The following NRG1 variants were observed in gnomAD, a reference collection of about 807,000 sequenced individuals.
The protein encoded by NRG1 is neuregulin 1.
In NRG1, 18 loss-of-function variants were observed where a neutral mutation model predicts 63.8. The ratio of observed to expected loss-of-function variants is 0.28; its 90% CI spans 0.19 to 0.42. NRG1 has a LOEUF of 0.42. Among genes scored for constraint, NRG1 ranks in the 10% least tolerant of loss-of-function variants. The pLI is 1.00. For synonymous variants in NRG1, 302 were observed against 301.3 expected, an observed-to-expected ratio of 1.00 and a Z score of -0.02; for missense variants, 762 against 814.7, an observed-to-expected ratio of 0.94 and a Z score of 0.79.
intron 1 of NRG1, among the ~76,000 whole-genome samples, chr8:31,978,899 A>G (rs939786959): frequency 2.0e-5 from 3 of 152,150 alleles, no homozygotes. Context: ...CTAGTTTTTC[A>G]CAGGTTTCAC....
intron 1 of NRG1, among the ~76,000 whole-genome samples, chr8:32,144,739 A>C (rs1049382124): frequency 6.6e-6 from 1 of 152,190 alleles, no homozygotes; most frequent in Non-Finnish European, 1.5e-5. Context: ...CGCTTAAACA[A>C]GTTCATTACA....
intron 1 of NRG1, among the ~76,000 whole-genome samples, chr8:31,899,004 G>A (rs1027644569): frequency 6.6e-6 from 1 of 152,052 alleles, no homozygotes; most frequent in African/African-American, 2.4e-5. Context: ...AATGTATTCA[G>A]ATTGGCTGAA....
intron 1 of NRG1, among the ~76,000 whole-genome samples, chr8:32,408,673 G>A (rs1281359324): frequency 6.6e-6 from 1 of 152,108 alleles, no homozygotes; most frequent in African/African-American, 2.4e-5. Flanking sequence ...AGAACAGGTT[G>A]TTCATACCTG....
At chr8:32,356,227 TA>T (rs1806368721) in intron 1 of NRG1, among the ~76,000 whole-genome samples, 1 of 152,172 alleles carries the variant, frequency 6.6e-6, no homozygotes. Context: ...AGAGAAATGT[TA>T]AAAATGTTTA....
intron 1 of NRG1, among the ~76,000 whole-genome samples, chr8:31,997,586 G>A (rs1053149980): frequency 1.3e-5 from 2 of 152,046 alleles, no homozygotes; most frequent in East Asian, 1.9e-4. Flanking sequence ...TGATGCTCAA[G>A]GAAGCAATGA....
chr8:32,578,882 G>A (rs1840139563), intron 1 of NRG1, among the ~76,000 whole-genome samples: 1 of 152,162 alleles, frequency 6.6e-6, no homozygotes, highest in Admixed American at 6.5e-5. Flanking sequence ...TCCTTCCCAA[G>A]TGAGGGATTT....
intron 1 of NRG1, among the ~76,000 whole-genome samples, chr8:32,521,923 C>A (rs1413821667): frequency 6.6e-6 from 1 of 152,110 alleles, no homozygotes; most frequent in African/African-American, 2.4e-5. Flanking sequence ...AATATGAGAG[C>A]TCTTAATAAA....
chr8:32,689,404 A>G (rs576655740), intron 5 of NRG1, among the ~76,000 whole-genome samples: 85 of 152,206 alleles, frequency 5.6e-4, no homozygotes, highest in Non-Finnish European at 1.1e-3. Context: ...AAGAATGAAC[A>G]AAGATTGCTT....
intron 1 of NRG1, among the ~76,000 whole-genome samples, chr8:31,842,004 C>T (rs983628789): frequency 6.6e-6 from 1 of 152,202 alleles, no homozygotes; most frequent in Non-Finnish European, 1.5e-5. Flanking sequence ...CCCTCCTCCT[C>T]CTCCCCATTC....
intron 1 of NRG1, among the ~76,000 whole-genome samples, chr8:31,860,335 T>C (rs1350528712): frequency 6.6e-6 from 1 of 152,184 alleles, no homozygotes; most frequent in Non-Finnish European, 1.5e-5. Flanking sequence ...GAAGACATAG[T>C]AACAACAATT....
intron 1 of NRG1, among the ~76,000 whole-genome samples, chr8:31,914,086 C>T (rs1052714577): frequency 6.6e-6 from 1 of 152,126 alleles, no homozygotes; most frequent in Non-Finnish European, 1.5e-5. Context: ...CCTCTTGCCC[C>T]CTGGAGCTCT....
chr8:32,494,685 A>G (rs1826988569), intron 1 of NRG1, among the ~76,000 whole-genome samples: 1 of 152,216 alleles, frequency 6.6e-6, no homozygotes, highest in African/African-American at 2.4e-5. Flanking sequence ...AAAACTAAAA[A>G]TGTGAAAATT....
chr8:31,950,622 A>G (rs189571683), intron 1 of NRG1, among the ~76,000 whole-genome samples: 1 of 152,270 alleles, frequency 6.6e-6, no homozygotes, highest in East Asian at 1.9e-4. Flanking sequence ...AATATTCTGT[A>G]TTGTTCTGAG....
chr8:32,758,615 A>G (rs1489680981), intron 9 of NRG1, among the ~76,000 whole-genome samples: 1 of 149,208 alleles, frequency 6.7e-6, no homozygotes, highest in African/African-American at 2.5e-5. Context: ...AGAAGAAAAG[A>G]AAAGAAAGAA....
At chr8:32,510,112 T>G (rs1828984965) in intron 1 of NRG1, among the ~76,000 whole-genome samples, 1 of 136,126 alleles carries the variant, frequency 7.3e-6, no homozygotes, top group Admixed American at 7.8e-5. Flanking sequence ...ATAATAATAA[T>G]AATAATAATA....
At chr8:32,395,504 C>A (rs1226344857) in intron 1 of NRG1, among the ~76,000 whole-genome samples, 1 of 151,962 alleles carries the variant, frequency 6.6e-6, no homozygotes, top group Non-Finnish European at 1.5e-5. Context: ...TATTGAGCAT[C>A]TTTTCATGAG....
At chr8:31,867,258 T>C (rs748621277) in intron 1 of NRG1, among the ~76,000 whole-genome samples, 1 of 152,192 alleles carries the variant, frequency 6.6e-6, no homozygotes, top group Non-Finnish European at 1.5e-5. Flanking sequence ...GCACACGAGC[T>C]CTTTCCTATT....
chr8:31,713,109 A>AT (rs11304829), intron 1 of NRG1, among the ~76,000 whole-genome samples: 11,955 of 86,048 alleles, frequency 0.14, 2,793 homozygotes, highest in East Asian at 0.58. Flanking sequence ...ACTCCTTCTA[A>AT]TTTTTTTTTT....
At chr8:32,505,609 T>C (rs1016835222) in intron 1 of NRG1, among the ~76,000 whole-genome samples, 14 of 152,076 alleles carry the variant, frequency 9.2e-5, no homozygotes, top group African/African-American at 3.4e-4. Context: ...TTCCCAAAAA[T>C]AGCCAAAGAG....
Sources: gnomAD v4.1 joint callset for allele counts (sites outside exome capture counted in the v4.1 genomes callset) on GRCh38, gnomAD v4.1.1 for gene constraint, MANE v1.5 for transcripts, NCBI Gene and HGNC (gene_info 2026-07-23, HGNC 2026-07-21) for gene names.